The following YWHAQ variants were observed in gnomAD, a reference collection of about 807,000 sequenced individuals.
The protein encoded by YWHAQ is tyrosine 3-monooxygenase/tryptophan 5-monooxygenase activation protein theta.
Under a neutral mutation model 28.3 loss-of-function variants are expected in YWHAQ, and 6 were observed. The observed-to-expected ratio is 0.21, with a 90% CI of 0.12 to 0.42. The LOEUF (loss-of-function observed/expected upper bound fraction) is 0.42. YWHAQ is among the 10% of genes least tolerant of loss of function. The pLI is 1.00. For missense variants in YWHAQ, 201 were observed against 305.6 expected (o/e 0.66, Z 2.55); for synonymous variants, 143 against 119.1 (o/e 1.20, Z -1.31).
intron 2 of YWHAQ, among the ~76,000 whole-genome samples, chr2:9,611,252 T>C (rs113449481): frequency 3.4e-4 from 52 of 152,322 alleles, no homozygotes; most frequent in African/African-American, 1.1e-3. Context: ...CATCCAACTC[T>C]TCTCTGTCAT....
rs368778993 is a variant in YWHAQ, at chr2:9,630,108, T to C, written c.294+51A>G. The C allele has an allele frequency of 1.9e-6, 3 of 1,566,712 alleles. No individual in the cohort carries two copies. The highest frequency in any genetic ancestry group is 4.5e-5 in the East Asian group (2 of 44,312). On this transcript the variant is annotated intron_variant, in intron 2 of 5. Coordinates refer to ENST00000238081, the MANE Select transcript of YWHAQ (RefSeq NM_006826.4). This position sits in a 1 kb window ranked among gnomAD's most constrained non-coding sequence, Gnocchi z 5.6. ...GTTTCCGTGCCCGCGAAACTCTCAATGAAAAGCATCTCACAAAAGGCCTCC... is the reference window on the plus strand; with the variant it reads ...GTTTCCGTGCCCGCGAAACTCTCAACGAAAAGCATCTCACAAAAGGCCTCC...
chr2:9,630,484 G>A lies in YWHAQ; in HGVS notation c.-32C>T, dbSNP rs1130874. On this transcript the variant is annotated 5_prime_UTR_variant, in exon 2 of 6. Coordinates refer to ENST00000238081, the MANE Select transcript of YWHAQ (RefSeq NM_006826.4). The surrounding 1 kb of genome is among the most constrained non-coding windows in gnomAD (Gnocchi z 5.6). ...CGCGGGGCCGGGGCCGGGGCGGAGGGCGAGGAGAGCGAGGGCGAGCGCCGA... is the reference window on the plus strand; with the variant it reads ...CGCGGGGCCGGGGCCGGGGCGGAGGACGAGGAGAGCGAGGGCGAGCGCCGA... 0.045 allele frequency: 57,555 copies of A among 1,268,214 alleles called. 1,292 individuals carry two copies. Among genetic ancestry groups the A allele is most frequent in the Non-Finnish European group, 0.057 (51,549 of 901,396 alleles). The allele number at this position is 1,268,214 out of a possible 1,614,324, so 78.6% of individuals were successfully genotyped here. A position where few individuals can be genotyped will look rare whatever the true frequency, so the allele number is the denominator to read the frequency against.
intron 2 of YWHAQ, among the ~76,000 whole-genome samples, chr2:9,600,992 T>A (rs574568341): frequency 1.3e-5 from 2 of 152,246 alleles, no homozygotes; most frequent in Non-Finnish European, 2.9e-5. Flanking sequence ...AGTGTAAGCA[T>A]GACTTTTATA....
chr2:9,614,996 C>A (rs976610609), intron 2 of YWHAQ, among the ~76,000 whole-genome samples: 4 of 151,964 alleles, frequency 2.6e-5, no homozygotes, highest in African/African-American at 9.7e-5. Context: ...CCCCCAGGGA[C>A]AACATAAAAA....
chr2:9,591,313 G>A lies in YWHAQ; in HGVS notation c.418+79C>T, dbSNP rs558705472. On this transcript the variant is annotated intron_variant, in intron 3 of 5. Transcript: ENST00000238081. ...AAGTCACAAAGAGCCTGAAGACTAC[G>A]TATACTGTCATAGTGTCCCATTTAT... The A allele has an allele frequency of 4.1e-5, 62 of 1,501,092 alleles. 1 individual carries two copies. In the East Asian group the frequency reaches 8.1e-4, roughly 20 times the overall value. 93.0% of individuals were successfully genotyped at this position (1,501,092 alleles called of 1,614,324 possible). A position where few individuals can be genotyped will look rare whatever the true frequency, so the allele number is the denominator to read the frequency against.
At position 9,630,869 on chromosome 2, in the gene YWHAQ, GGGC is replaced by G. The variant is rs1553375992; in HGVS notation, c.-83+69_-83+71del. 1 of 152,564 alleles carries G rather than the reference GGGC, an allele frequency of 6.6e-6. No homozygotes were observed. The highest frequency in any genetic ancestry group is 1.5e-5 in the Non-Finnish European group (1 of 68,042). 9.5% of individuals were successfully genotyped at this position (152,564 alleles called of 1,614,324 possible). A position where few individuals can be genotyped will look rare whatever the true frequency, so the allele number is the denominator to read the frequency against. On this transcript the variant is annotated intron_variant, in intron 1 of 5. Coordinates refer to ENST00000238081, the MANE Select transcript of YWHAQ (RefSeq NM_006826.4). The surrounding 1 kb of genome is among the most constrained non-coding windows in gnomAD (Gnocchi z 5.6). ...GGCATCGACAACCGGCTGCTCTCAA[GGGC>G]GGCACCTCCGCCCGGCCCTCAATCC...
At chr2:9,624,181 G>A (rs1410668929) in intron 2 of YWHAQ, among the ~76,000 whole-genome samples, 3 of 152,178 alleles carry the variant, frequency 2.0e-5, no homozygotes, top group Admixed American at 6.5e-5. Flanking sequence ...GCTCGAGCCC[G>A]GGAGGTGGAG....
At chr2:9,586,321 T>G (rs1409483344) in intron 5 of YWHAQ, among the ~76,000 whole-genome samples, 1 of 152,234 alleles carries the variant, frequency 6.6e-6, no homozygotes, top group Non-Finnish European at 1.5e-5. Context: ...ATTTATTGAC[T>G]ATAATTGCAC....
At chr2:9,588,448 G>T (rs72777035) in intron 3 of YWHAQ, 120 bp from the exon 4 acceptor site, 34,928 of 1,159,992 alleles carry the variant, frequency 0.03, 659 homozygotes, top group Non-Finnish European at 0.034. Context: ...TCTCTGTATG[G>T]GTCTTTTAAA....
At chr2:9,615,721 C>T (rs981876316) in intron 2 of YWHAQ, among the ~76,000 whole-genome samples, 7 of 152,090 alleles carry the variant, frequency 4.6e-5, no homozygotes, top group African/African-American at 1.7e-4. Flanking sequence ...TCCCCACTTA[C>T]ACACAAGGGA....
intron 2 of YWHAQ, among the ~76,000 whole-genome samples, chr2:9,610,578 G>A (rs1367325048): frequency 1.3e-5 from 2 of 151,956 alleles, no homozygotes; most frequent in African/African-American, 2.4e-5. Flanking sequence ...GCGCAATCTC[G>A]GCTCACTGCA....
intron 2 of YWHAQ, among the ~76,000 whole-genome samples, chr2:9,597,323 A>G (rs1484683737): frequency 6.6e-6 from 1 of 152,208 alleles, no homozygotes; most frequent in African/African-American, 2.4e-5. Context: ...TAAACAGTCA[A>G]GTGTCCTTGT....
At chr2:9,604,043 C>A (rs982631021) in intron 2 of YWHAQ, among the ~76,000 whole-genome samples, 1 of 152,150 alleles carries the variant, frequency 6.6e-6, no homozygotes, top group African/African-American at 2.4e-5. Context: ...TGGACAATTC[C>A]TTACACAGGC....
intron 2 of YWHAQ, among the ~76,000 whole-genome samples, chr2:9,610,199 T>C (rs1415202096): frequency 6.6e-6 from 1 of 152,210 alleles, no homozygotes. Flanking sequence ...AACAGCCCAG[T>C]ATCTATCTTA....
chr2:9,609,362 T>C (rs1270503574), intron 2 of YWHAQ, among the ~76,000 whole-genome samples: 2 of 151,982 alleles, frequency 1.3e-5, no homozygotes, highest in Non-Finnish European at 2.9e-5. Flanking sequence ...AAAAGGCATA[T>C]TTGAATAAAT....
intron 2 of YWHAQ, among the ~76,000 whole-genome samples, chr2:9,607,634 C>A (rs1003778714): frequency 2.0e-5 from 3 of 151,504 alleles, no homozygotes; most frequent in Non-Finnish European, 4.4e-5. Flanking sequence ...AGTTGAAATG[C>A]AAGTCTGAAT....
chr2:9,593,424 G>A (rs1666497471), intron 2 of YWHAQ, among the ~76,000 whole-genome samples: 1 of 151,926 alleles, frequency 6.6e-6, no homozygotes, highest in Non-Finnish European at 1.5e-5. Context: ...GACCAGGCTG[G>A]TCTCAAACTC....
chr2:9,619,865 A>G (rs901356822), intron 2 of YWHAQ, among the ~76,000 whole-genome samples: 4 of 152,198 alleles, frequency 2.6e-5, no homozygotes, highest in African/African-American at 9.6e-5. Context: ...TAGTATAAAT[A>G]TGTTTAACTG....
At position 9,609,373 on chromosome 2, in the gene YWHAQ, T is replaced by C. The variant is rs186784489; in HGVS notation, c.295-17858A>G. ...CAACAAAAGGCATATTTGAATAAAT[T>C]ACTCAGAATACAGAATAAAGAATAA... is the stretch of plus-strand genomic sequence containing the variant. On this transcript the variant is annotated intron_variant, in intron 2 of 5. Transcript: ENST00000238081. Among the ~76,000 whole-genome samples the C allele has an allele frequency of 1.4e-4, 22 of 152,202 alleles. 1 individual carries two copies. Among genetic ancestry groups the C allele is most frequent in the Admixed American group, 1.4e-3 (21 of 15,288 alleles).
Sources: gnomAD v4.1 joint callset for allele counts (sites outside exome capture counted in the v4.1 genomes callset) on GRCh38, gnomAD v4.1.1 for gene constraint, Gnocchi (gnomAD v3.1) non-coding constraint, MANE v1.5 for transcripts, NCBI Gene and HGNC (gene_info 2026-07-23, HGNC 2026-07-21) for gene names.